The following UBQLN4 variants were observed in gnomAD, a reference collection of about 807,000 sequenced individuals.
UBQLN4 encodes ubiquilin 4.
In UBQLN4, 11 loss-of-function variants were observed where a neutral mutation model predicts 60.4. The observed-to-expected ratio is 0.18, with a 90% confidence interval of 0.11 to 0.30. The LOEUF (loss-of-function observed/expected upper bound fraction) is 0.30. UBQLN4 is among the 10% of genes least tolerant of loss of function. The probability of loss-of-function intolerance (pLI) is 1.00; values close to 1 mark genes in which losing one functional copy is unlikely to be tolerated. For synonymous variants in UBQLN4, 258 were observed against 313.1 expected, an observed-to-expected ratio of 0.82 and a Z score of 1.86; for missense variants, 417 against 795.5, an observed-to-expected ratio of 0.52 and a Z score of 5.72.
downstream of UBQLN4, among the ~76,000 whole-genome samples, chr1:156,034,825 C>CCATA (rs1683355841): frequency 6.5e-5 from 3 of 46,384 alleles, 1 homozygote; most frequent in Admixed American, 5.6e-4. Context: ...CCTTAACCTT[C>CCATA]TATATATATA....
At chr1:156,049,071 C>T (rs1035751187) in intron 4 of UBQLN4, among the ~76,000 whole-genome samples, 10 of 152,310 alleles carry the variant, frequency 6.6e-5, no homozygotes, top group East Asian at 3.9e-4. Flanking sequence ...AAGTAGCTTA[C>T]GGAATTCAAG....
chr1:156,040,592 C>T (rs1018753562), intron 10 of UBQLN4, among the ~76,000 whole-genome samples: 3 of 151,802 alleles, frequency 2.0e-5, no homozygotes, highest in Non-Finnish European at 4.4e-5. Flanking sequence ...ACTGCAGGCA[C>T]CTGCCACCAC....
chr1:156,052,142 C>T (rs1176798223), intron 1 of UBQLN4, among the ~76,000 whole-genome samples: 2 of 152,180 alleles, frequency 1.3e-5, no homozygotes, highest in Non-Finnish European at 2.9e-5. Flanking sequence ...CCACCTAGTT[C>T]TCTGTAAGGC....
Position 156,042,840 on chromosome 1 carries a change from C to T in UBQLN4, c.1200G>A (p.Val400=). The change falls in exon 7 of 11, where the codon GTG becomes GTA. Residue 400 remains valine, a synonymous_variant. Coordinates refer to ENST00000368309, the MANE Select transcript of UBQLN4 (RefSeq NM_020131.5). ...ISENPQLMQN[V]ISAPYMRSMM... is the part of the protein sequence containing the mutation. ...TGCTGCGCATGTAGGGTGCTGAGATCACATTCTGCATCAGCTGGGGGTTCT... is the reference window on the plus strand; with the variant it reads ...TGCTGCGCATGTAGGGTGCTGAGATTACATTCTGCATCAGCTGGGGGTTCT... 2 of 1,614,206 alleles carry T rather than the reference C, an allele frequency of 1.2e-6. No individual in the cohort carries two copies. Among genetic ancestry groups the T allele is most frequent in the Non-Finnish European group, 1.7e-6 (2 of 1,180,030 alleles).
At chr1:156,045,358 T>G (rs1683670418) in intron 5 of UBQLN4, among the ~76,000 whole-genome samples, 1 of 152,216 alleles carries the variant, frequency 6.6e-6, no homozygotes, top group South Asian at 2.1e-4. Flanking sequence ...GTTTCAGATT[T>G]CTTGTTCTGA....
intron 6 of UBQLN4, among the ~76,000 whole-genome samples, chr1:156,043,185 C>T (rs1683613307): frequency 6.6e-6 from 1 of 152,286 alleles, no homozygotes; most frequent in Middle Eastern, 3.4e-3. Flanking sequence ...CTGGACTGTT[C>T]CTGCCATAAG....
At chr1:156,044,360 T>C in intron 5 of UBQLN4, 137 bp from the exon 6 acceptor site, 1 of 767,556 alleles carries the variant, frequency 1.3e-6, no homozygotes, top group South Asian at 1.8e-5. Flanking sequence ...AGGTCCTCAG[T>C]TCAGTTCTTT....
chr1:156,033,129 TG>T, downstream of UBQLN4: 2 of 849,572 alleles, frequency 2.4e-6, no homozygotes, highest in Non-Finnish European at 2.8e-6. Flanking sequence ...CCAATACTTA[TG>T]TAGCTGCTGC....
In UBQLN4 at chr1:156,035,857, C is replaced by G. The variant is rs1048248340; in HGVS notation, c.*1121G>C. ...CTGGTGGTGGGAGAGCACTCTGAAC[C>G]AGAAACCAACAAGGAATCCACTTCC... On this transcript the variant is annotated 3_prime_UTR_variant, in exon 11 of 11. Coordinates refer to ENST00000368309, the MANE Select transcript of UBQLN4 (RefSeq NM_020131.5). The G allele has an allele frequency of 1.0e-6, 1 of 985,274 alleles. No homozygotes were observed. Among genetic ancestry groups the G allele is most frequent in the Non-Finnish European group, 1.2e-6 (1 of 829,908 alleles). 61.0% of individuals were successfully genotyped at this position (985,274 alleles called of 1,614,324 possible).
At chr1:156,047,310 C>T (rs1369467416) in intron 5 of UBQLN4, among the ~76,000 whole-genome samples, 2 of 145,942 alleles carry the variant, frequency 1.4e-5, no homozygotes, top group Non-Finnish European at 3.0e-5. Flanking sequence ...GTGGCACGAT[C>T]TTGGCTCACT....
At position 156,044,114 on chromosome 1, in the gene UBQLN4, G is replaced by A; in HGVS notation, c.1010C>T (p.Pro337Leu). The A allele has an allele frequency of 3.8e-6, 6 of 1,588,090 alleles. No homozygotes were observed. Among genetic ancestry groups the A allele is most frequent in the Non-Finnish European group, 4.3e-6 (5 of 1,167,462 alleles). The change falls in exon 6 of 11, where the codon CCC becomes CTC. Residue 337 changes from proline (P) to leucine (L), a missense_variant. By Grantham distance (98) the Pro-to-Leu change is moderately conservative. Transcript: ENST00000368309. The part of the protein sequence containing the change: ...EPLPNPWSPS[P>L]PTSQAPGSGG... ...GGACCCGGGGGCCTGGGAGGTGGGG[G>A]GCGAGGGGCTCCAGGGGTTAGGGAG...
chr1:156,042,334 A>G (rs1683591403), intron 7 of UBQLN4, 98 bp from the exon 8 acceptor site: 3 of 1,460,596 alleles, frequency 2.1e-6, no homozygotes, highest in African/African-American at 1.4e-5. Context: ...CCACTGCAGG[A>G]AATCTGGCCA....
Position 156,048,048 on chromosome 1 carries a change from T to C in UBQLN4, c.900+453A>G, listed in dbSNP as rs957594097. Among the ~76,000 whole-genome samples the C allele has an allele frequency of 6.6e-6, 1 of 152,116 alleles. No homozygotes were observed. Among genetic ancestry groups the C allele is most frequent in the African/African-American group, 2.4e-5 (1 of 41,408 alleles). ...TACTTGAATAGGATTCATAAAGCAT[T>C]TTTAAAAGTGTATAATCCTGGGGCC... On this transcript the variant is annotated intron_variant, in intron 5 of 10. Coordinates refer to ENST00000368309, the MANE Select transcript of UBQLN4 (RefSeq NM_020131.5). This position sits in a 1 kb window ranked among gnomAD's most constrained non-coding sequence, Gnocchi z 4.9.
At chr1:156,049,997 T>C (rs1683825525) in intron 4 of UBQLN4, among the ~76,000 whole-genome samples, 1 of 152,220 alleles carries the variant, frequency 6.6e-6, no homozygotes, top group African/African-American at 2.4e-5. Flanking sequence ...TAAGGCCTCC[T>C]CTAAGCCTTA....
chr1:156,037,065 A>G lies in UBQLN4; in HGVS notation c.1719T>C (p.Asn573=), dbSNP rs1318572370. The part of the protein sequence containing the change: ...LEQLNSMGFI[N]REANLQALIA... ...TCAGGGCCTGCAGGTTAGCCTCACG[A>G]TTGATGAAGCCCATGGAGTTGAGCT... Residue 573 remains asparagine (N), a synonymous_variant, in exon 11 of 11, where the codon AAT becomes AAC. Transcript: ENST00000368309. 1 of 1,614,200 alleles carries G rather than the reference A, an allele frequency of 6.2e-7. No individual in the cohort carries two copies. Among genetic ancestry groups the G allele is most frequent in the Non-Finnish European group, 8.5e-7 (1 of 1,180,036 alleles).
downstream of UBQLN4, among the ~76,000 whole-genome samples, chr1:156,033,802 T>C (rs1327809657): frequency 6.7e-6 from 1 of 148,368 alleles, no homozygotes; most frequent in East Asian, 2.0e-4. Flanking sequence ...CGAGATTGCA[T>C]CACTGCACTC....
downstream of UBQLN4, chr1:156,035,271 T>C: frequency 1.0e-6 from 1 of 985,370 alleles, no homozygotes; most frequent in African/African-American, 1.7e-5. Flanking sequence ...AGCCAGCTTC[T>C]TCCTCAAAAA....
intron 1 of UBQLN4, among the ~76,000 whole-genome samples, chr1:156,052,619 C>A (rs545283761): frequency 1.3e-5 from 2 of 152,290 alleles, no homozygotes; most frequent in South Asian, 2.1e-4. Flanking sequence ...CCACCACGCC[C>A]AGCCGTATCT....
chr1:156,047,839 C>A (rs537720014), intron 5 of UBQLN4, among the ~76,000 whole-genome samples: 2 of 148,778 alleles, frequency 1.3e-5, no homozygotes, highest in Admixed American at 6.7e-5. Flanking sequence ...TTACAGTGAG[C>A]CGAGATTGCG....
Sources: gnomAD v4.1 joint callset for allele counts (sites outside exome capture counted in the v4.1 genomes callset) on GRCh38, gnomAD v4.1.1 for gene constraint, Gnocchi (gnomAD v3.1) non-coding constraint, MANE v1.5 for transcripts, NCBI Gene and HGNC (gene_info 2026-07-23, HGNC 2026-07-21) for gene names.